The following HSDL2 variants were observed in gnomAD, a reference collection of about 807,000 sequenced individuals.
HSDL2 encodes the protein hydroxysteroid dehydrogenase like 2, also known as hydroxysteroid dehydrogenase-like protein 2.
Under a neutral mutation model 46.3 loss-of-function variants are expected in HSDL2, and 27 were observed. That is an observed-to-expected ratio of 0.58 (90% CI 0.43 to 0.80). HSDL2 has a LOEUF of 0.80. Among genes scored for constraint, HSDL2 ranks in the 30% least tolerant of loss-of-function variants. The probability of loss-of-function intolerance (pLI) is 0.00; values close to 1 mark genes in which losing one functional copy is unlikely to be tolerated. For synonymous variants in HSDL2, 153 were observed against 163.6 expected, an observed-to-expected ratio of 0.94 and a Z score of 0.50; for missense variants, 451 against 502.7, an observed-to-expected ratio of 0.90 and a Z score of 0.98.
At chr9:112,384,701 C>T (rs535751825) in intron 1 of HSDL2, among the ~76,000 whole-genome samples, 6 of 150,774 alleles carry the variant, frequency 4.0e-5, no homozygotes, top group African/African-American at 1.5e-4. Flanking sequence ...AGGTACTCAC[C>T]GGCTCAGTGG....
intron 1 of HSDL2, among the ~76,000 whole-genome samples, chr9:112,395,981 A>G (rs1831448196): frequency 6.6e-6 from 1 of 152,232 alleles, no homozygotes; most frequent in African/African-American, 2.4e-5. Flanking sequence ...ATTAAAAAGG[A>G]TAACCTAAAC....
chr9:112,432,671 C>A (rs930135846), intron 6 of HSDL2, among the ~76,000 whole-genome samples: 3 of 152,170 alleles, frequency 2.0e-5, no homozygotes, highest in African/African-American at 7.2e-5. Context: ...ATCTTGGAGC[C>A]AGTGATGTTA....
At chr9:112,382,994 C>T (rs1355189328) in intron 1 of HSDL2, among the ~76,000 whole-genome samples, 3 of 149,716 alleles carry the variant, frequency 2.0e-5, no homozygotes, top group East Asian at 1.9e-4. Context: ...TGAGTTAAAC[C>T]GAGATCTTTC....
At chr9:112,383,595 G>A (rs192511246) in intron 1 of HSDL2, among the ~76,000 whole-genome samples, 94 of 152,150 alleles carry the variant, frequency 6.2e-4, no homozygotes, top group Non-Finnish European at 9.9e-4. Flanking sequence ...TCTTCTGCTC[G>A]AAATTCTACC....
At chr9:112,406,160 CA>C (rs1831721216) in intron 3 of HSDL2, among the ~76,000 whole-genome samples, 9 of 107,900 alleles carry the variant, frequency 8.3e-5, no homozygotes, top group Admixed American at 9.3e-5. Flanking sequence ...GACTCTGTCT[CA>C]AAAAGAAAAA....
chr9:112,429,524 T>A (rs1832336559), intron 6 of HSDL2, among the ~76,000 whole-genome samples: 1 of 152,218 alleles, frequency 6.6e-6, no homozygotes. Context: ...TTAAGAATTT[T>A]AAATTTTATT....
rs772585075 is a variant in HSDL2, at chr9:112,419,005, C to T, written c.598+47C>T. 5 of 969,340 alleles carry T rather than the reference C, an allele frequency of 5.2e-6. No individual in the cohort carries two copies. The East Asian group carries it at 8.1e-5, about 16-fold the overall frequency. 60.0% of individuals were successfully genotyped at this position (969,340 alleles called of 1,614,324 possible). ...ATTTGTTAGATTTTCATGTATTGTC[C>T]TTGACACTTATTATTATTTTTTGAC... On this transcript the variant is annotated intron_variant, in intron 6 of 10. Coordinates refer to ENST00000398805, the MANE Select transcript of HSDL2 (RefSeq NM_032303.5).
chr9:112,432,047 T>A (rs1414879842), intron 6 of HSDL2, among the ~76,000 whole-genome samples: 1 of 152,000 alleles, frequency 6.6e-6, no homozygotes, highest in Non-Finnish European at 1.5e-5. Flanking sequence ...ACCTGGCTAA[T>A]TTTTTTGTAT....
At chr9:112,390,594 A>G (rs1196045933) in intron 1 of HSDL2, among the ~76,000 whole-genome samples, 1 of 152,030 alleles carries the variant, frequency 6.6e-6, no homozygotes, top group East Asian at 1.9e-4. Context: ...TTGGGACTAC[A>G]GGTGCACACC....
intron 6 of HSDL2, among the ~76,000 whole-genome samples, chr9:112,428,164 G>A (rs1832295334): frequency 6.6e-6 from 1 of 152,208 alleles, no homozygotes; most frequent in African/African-American, 2.4e-5. Flanking sequence ...AGAATTTACT[G>A]AGTACTGGGG....
chr9:112,471,892 T>A lies in HSDL2; in HGVS notation c.*1348T>A, dbSNP rs551500701. 6.6e-6 allele frequency: 1 copy of A among 152,352 alleles called. No homozygotes were observed. Among genetic ancestry groups the A allele is most frequent in the South Asian group, 2.1e-4 (1 of 4,830 alleles). 9.4% of individuals were successfully genotyped at this position (152,352 alleles called of 1,614,324 possible). A position where few individuals can be genotyped will look rare whatever the true frequency, so the allele number is the denominator to read the frequency against. On this transcript the variant is annotated 3_prime_UTR_variant, in exon 11 of 11. Coordinates refer to ENST00000398805, the MANE Select transcript of HSDL2 (RefSeq NM_032303.5). ...TTGTGCCATTAAGCAATTTAGCTAA[T>A]CCTGACATTTCTTAGATTCATAATG...
chr9:112,468,043 CTT>C (rs1833445004), intron 10 of HSDL2, among the ~76,000 whole-genome samples: 1 of 13,216 alleles, frequency 7.6e-5, no homozygotes, highest in South Asian at 4.8e-3. Flanking sequence ...TACCAACTCT[CTT>C]GATTGTTTGT....
At chr9:112,391,059 C>T (rs990175809) in intron 1 of HSDL2, among the ~76,000 whole-genome samples, 1 of 151,792 alleles carries the variant, frequency 6.6e-6, no homozygotes, top group African/African-American at 2.4e-5. Flanking sequence ...GCCTGTAATC[C>T]CAACTATTTA....
intron 3 of HSDL2, among the ~76,000 whole-genome samples, chr9:112,407,860 A>G (rs970616570): frequency 4.6e-5 from 7 of 152,270 alleles, no homozygotes; most frequent in Non-Finnish European, 1.5e-5. Context: ...TTCACAAAGA[A>G]TAATGAAGAC....
chr9:112,457,061 T>C (rs1485528068), intron 9 of HSDL2, among the ~76,000 whole-genome samples: 1 of 151,208 alleles, frequency 6.6e-6, no homozygotes, highest in Non-Finnish European at 1.5e-5. Flanking sequence ...GGCAGGAGAA[T>C]CGCTTGAACC....
chr9:112,448,638 G>A (rs1216457727), intron 8 of HSDL2, among the ~76,000 whole-genome samples: 2 of 151,926 alleles, frequency 1.3e-5, no homozygotes, highest in Admixed American at 6.6e-5. Context: ...TGCAACGTCC[G>A]CCACCTGGGT....
intron 8 of HSDL2, among the ~76,000 whole-genome samples, chr9:112,444,284 T>C (rs1246566981): frequency 6.6e-6 from 1 of 152,206 alleles, no homozygotes; most frequent in African/African-American, 2.4e-5. Flanking sequence ...GGGGGAGAGG[T>C]TCACCTTTCT....
intron 8 of HSDL2, among the ~76,000 whole-genome samples, chr9:112,446,169 T>C (rs907338098): frequency 2.0e-5 from 3 of 152,040 alleles, no homozygotes; most frequent in African/African-American, 7.2e-5. Context: ...GCTAGTGTAG[T>C]CAAAGGCAGG....
At chr9:112,400,930 A>G (rs1225084414) in intron 1 of HSDL2, among the ~76,000 whole-genome samples, 1 of 152,130 alleles carries the variant, frequency 6.6e-6, no homozygotes, top group Non-Finnish European at 1.5e-5. Context: ...ACTTCATGTT[A>G]ACTAATTACA....
Sources: allele counts gnomAD v4.1 joint callset (sites outside exome capture counted in the v4.1 genomes callset), GRCh38; gene constraint gnomAD v4.1.1; transcripts MANE v1.5; gene names NCBI Gene and HGNC (gene_info 2026-07-23, HGNC 2026-07-21).